The following THSD7B variants were observed in gnomAD, a reference collection of about 807,000 sequenced individuals.
THSD7B encodes the protein thrombospondin type 1 domain containing 7B.
Under a neutral mutation model 213.6 loss-of-function variants are expected in THSD7B, and 138 were observed. That is an observed-to-expected ratio of 0.65 (90% CI 0.56 to 0.74). The LOEUF is 0.74. Among genes scored for constraint, THSD7B ranks in the 30% least tolerant of loss-of-function variants. The pLI, the probability that THSD7B is intolerant of heterozygous loss-of-function variation, is 0.00. For missense variants in THSD7B, 1,931 were observed against 1,991.5 expected (o/e 0.97, Z 0.58); for synonymous variants, 742 against 687.0 (o/e 1.08, Z -1.25).
chr2:136,973,317 G>A (rs1685432377), intron 2 of THSD7B, among the ~76,000 whole-genome samples: 1 of 151,980 alleles, frequency 6.6e-6, no homozygotes, highest in Non-Finnish European at 1.5e-5. Flanking sequence ...GTCCATTCTT[G>A]TATTGCTCAC....
intron 15 of THSD7B, among the ~76,000 whole-genome samples, chr2:137,495,556 G>C (rs1679541914): frequency 6.6e-6 from 1 of 152,014 alleles, no homozygotes; most frequent in African/African-American, 2.4e-5. Flanking sequence ...GATTATCTTG[G>C]GAGGGACTCT....
At position 137,331,895 on chromosome 2, in the gene THSD7B, G is replaced by C. The variant is rs576482587; in HGVS notation, c.2500+55869G>C. On this transcript the variant is annotated intron_variant, in intron 12 of 27. Transcript: ENST00000409968. ...CCGGGGCCGGCGGGGCCGGCCGGCT[G>C]CTCCAAGTGCGGGCCCGCCAAGCCC... is the stretch of plus-strand genomic sequence containing the variant. Among the ~76,000 whole-genome samples, 66 of 152,226 alleles carry C rather than the reference G, an allele frequency of 4.3e-4. 1 individual carries two copies. The highest frequency in any genetic ancestry group is 1.6e-3 in the African/African-American group (65 of 41,562).
chr2:137,360,084 C>T (rs1489240261), intron 12 of THSD7B, among the ~76,000 whole-genome samples: 1 of 152,182 alleles, frequency 6.6e-6, no homozygotes, highest in Non-Finnish European at 1.5e-5. Flanking sequence ...ACTTGTCAAA[C>T]AGGTCATGTA....
chr2:136,882,329 C>T lies in THSD7B; in HGVS notation c.139+12C>T. The T allele has an allele frequency of 6.6e-7, 1 of 1,513,104 alleles. No homozygotes were observed. Among genetic ancestry groups the T allele is most frequent in the Non-Finnish European group, 8.8e-7 (1 of 1,131,412 alleles). 93.7% of individuals were successfully genotyped at this position (1,513,104 alleles called of 1,614,324 possible). A position where few individuals can be genotyped will look rare whatever the true frequency, so the allele number is the denominator to read the frequency against. On this transcript the variant is annotated intron_variant, in intron 2 of 27. Coordinates refer to ENST00000409968, the MANE Select transcript of THSD7B (RefSeq NM_001316349.2). ...CATCTGGAAACCAGGTAGGAATGTC[C>T]TGGCTGTTCCTTTGTCCTATTTTCA...
intron 2 of THSD7B, among the ~76,000 whole-genome samples, chr2:136,934,569 T>A (rs1419551556): frequency 1.3e-5 from 2 of 152,220 alleles, no homozygotes; most frequent in East Asian, 3.8e-4. Context: ...TATATTTGTT[T>A]TGTTTAGCAA....
At chr2:136,910,966 C>T (rs1216772061) in intron 2 of THSD7B, among the ~76,000 whole-genome samples, 1 of 151,976 alleles carries the variant, frequency 6.6e-6, no homozygotes, top group African/African-American at 2.4e-5. Context: ...TTACAATTCA[C>T]TAAGCCTTTA....
At chr2:137,643,529 G>A (rs1682975565) in intron 21 of THSD7B, among the ~76,000 whole-genome samples, 1 of 152,152 alleles carries the variant, frequency 6.6e-6, no homozygotes, top group African/African-American at 2.4e-5. Flanking sequence ...GAGAAAATAA[G>A]ATAACCATGC....
chr2:136,948,114 TG>T (rs1029500472), intron 2 of THSD7B, among the ~76,000 whole-genome samples: 9 of 150,290 alleles, frequency 6.0e-5, no homozygotes, highest in Middle Eastern at 3.4e-3. Flanking sequence ...ATTGTATGTA[TG>T]TTTTTTTTTA....
At chr2:137,089,009 C>T (rs573229076) in intron 3 of THSD7B, among the ~76,000 whole-genome samples, 21 of 152,074 alleles carry the variant, frequency 1.4e-4, no homozygotes, top group Admixed American at 7.2e-4. Context: ...GGAACACTTC[C>T]GCCCTGTTGG....
intron 1 of THSD7B, among the ~76,000 whole-genome samples, chr2:136,842,030 C>G (rs901437005): frequency 2.6e-5 from 4 of 152,130 alleles, no homozygotes; most frequent in Non-Finnish European, 4.4e-5. Context: ...AATGTCATAC[C>G]TACTATCATG....
At chr2:137,460,512 A>C (rs2198439) in intron 15 of THSD7B, among the ~76,000 whole-genome samples, 83,488 of 151,854 alleles carry the variant, frequency 0.55, 25,770 homozygotes, top group East Asian at 0.79. Flanking sequence ...TTTGGATTCA[A>C]ATATTTTCAT....
intron 1 of THSD7B, among the ~76,000 whole-genome samples, chr2:136,872,219 A>G (rs1176703774): frequency 6.6e-6 from 1 of 152,154 alleles, no homozygotes; most frequent in African/African-American, 2.4e-5. Context: ...CAGTGGCTGC[A>G]GCTCTGTGAT....
rs34604281 is a variant in THSD7B, at chr2:137,605,648, C to CTTTTTTTTTTT, written c.3424-10498_3424-10488dup. Among the ~76,000 whole-genome samples the CTTTTTTTTTTT allele has an allele frequency of 6.4e-4, 44 of 69,016 alleles. 5 individuals carry two copies. The highest frequency in any genetic ancestry group is 1.9e-3 in the African/African-American group (33 of 17,592). The allele number at this position is 69,016 out of a possible 152,430, so 45.3% of individuals were successfully genotyped here. ...AAAAAGCATATATTGGCACTTCGCACTTTTTTTTTTTTTTTTTTTTTTTTT... is the reference window on the plus strand; with the variant it reads ...AAAAAGCATATATTGGCACTTCGCACTTTTTTTTTTTTTTTTTTTTTTTTTTTTTTTTTTTT... On this transcript the variant is annotated intron_variant, in intron 17 of 27. Transcript: ENST00000409968.
intron 12 of THSD7B, among the ~76,000 whole-genome samples, chr2:137,290,020 C>T (rs1458232387): frequency 6.6e-6 from 1 of 151,780 alleles, no homozygotes; most frequent in Non-Finnish European, 1.5e-5. Context: ...TATAAAATGG[C>T]TCAATGTACA....
intron 4 of THSD7B, among the ~76,000 whole-genome samples, chr2:137,103,489 A>T (rs1272684345): frequency 2.0e-5 from 3 of 152,190 alleles, no homozygotes; most frequent in Non-Finnish European, 4.4e-5. Flanking sequence ...AGGGCAAAAT[A>T]ACCAGCTAGC....
chr2:137,339,881 T>A (rs934932556), intron 12 of THSD7B, among the ~76,000 whole-genome samples: 3 of 151,828 alleles, frequency 2.0e-5, no homozygotes, highest in African/African-American at 4.8e-5. Context: ...ATGGCCTTTT[T>A]TTTTTTTTAA....
At chr2:137,467,245 G>A (rs2105087836) in intron 15 of THSD7B, among the ~76,000 whole-genome samples, 1 of 152,278 alleles carries the variant, frequency 6.6e-6, no homozygotes, top group South Asian at 2.1e-4. Context: ...GCTTAAGGCA[G>A]CAGTGAACGA....
intron 10 of THSD7B, among the ~76,000 whole-genome samples, chr2:137,259,996 A>G (rs1426690630): frequency 6.6e-6 from 1 of 152,088 alleles, no homozygotes; most frequent in African/African-American, 2.4e-5. Context: ...TCTCTTATCC[A>G]GTAAATCCCA....
chr2:137,413,443 A>G (rs1323921176), intron 14 of THSD7B, among the ~76,000 whole-genome samples: 1 of 152,240 alleles, frequency 6.6e-6, no homozygotes, highest in Non-Finnish European at 1.5e-5. Context: ...ACATAAAAAG[A>G]ATTTCAAGTT....
Sources: gnomAD v4.1 joint callset for allele counts (sites outside exome capture counted in the v4.1 genomes callset) on GRCh38, gnomAD v4.1.1 for gene constraint, MANE v1.5 for transcripts, NCBI Gene and HGNC (gene_info 2026-07-23, HGNC 2026-07-21) for gene names.